Variants in WT1 observed in about 807,000 individuals in gnomAD.
WT1 encodes Wilms tumor protein.
WT1 carries 8 observed loss-of-function variants against 60.8 expected under a neutral mutation model. That is an observed-to-expected ratio of 0.13 (90% CI 0.08 to 0.24). The LOEUF (loss-of-function observed/expected upper bound fraction) is 0.24. WT1 is among the 10% of genes least tolerant of loss of function. The pLI, the probability that WT1 is intolerant of heterozygous loss-of-function variation, is 1.00. For missense variants in WT1, 568 were observed against 711.8 expected, an observed-to-expected ratio of 0.80 and a Z score of 2.30; for synonymous variants, 312 against 297.1, an observed-to-expected ratio of 1.05 and a Z score of -0.52.
chr11:32,403,428 T>G (rs1182611026), intron 5 of WT1, among the ~76,000 whole-genome samples: 2 of 152,188 alleles, frequency 1.3e-5, no homozygotes, highest in Admixed American at 1.3e-4. Flanking sequence ...AGCAGAAATC[T>G]CTTCCAGCTT....
chr11:32,392,225 C>A (rs577653036), intron 8 of WT1, among the ~76,000 whole-genome samples, 161 bp from the exon 9 acceptor site: 3 of 152,188 alleles, frequency 2.0e-5, no homozygotes, highest in Non-Finnish European at 4.4e-5. Context: ...CCAGGCCCAA[C>A]AAGAATCACT....
At chr11:32,425,335 T>G (rs1023062835) in intron 3 of WT1, among the ~76,000 whole-genome samples, 3 of 151,228 alleles carry the variant, frequency 2.0e-5, no homozygotes, top group Admixed American at 6.6e-5. Flanking sequence ...AGAGAAAAAA[T>G]GAATGAAACC....
intron 1 of WT1, among the ~76,000 whole-genome samples, chr11:32,429,978 GAA>G (rs71980595): frequency 1.1e-5 from 1 of 91,256 alleles, no homozygotes. Flanking sequence ...CCCCCGCCCA[GAA>G]AAAAAAAAAA....
intron 1 of WT1, among the ~76,000 whole-genome samples, chr11:32,431,805 AC>A: frequency 6.6e-6 from 1 of 151,810 alleles, no homozygotes; most frequent in East Asian, 1.9e-4. Context: ...AAACCCGTCA[AC>A]CCCCACACAT....
chr11:32,391,917 T>C, intron 9 of WT1, 55 bp downstream of exon 9: 2 of 1,558,628 alleles, frequency 1.3e-6, no homozygotes, highest in Non-Finnish European at 8.8e-7. Flanking sequence ...ACAATTTCAT[T>C]CCACAATAGT....
chr11:32,430,455 GGAGAGAGAGAGAGAGAGAGAGAGAGA>G (rs529663782), intron 1 of WT1: 1 of 894,588 alleles, frequency 1.1e-6, no homozygotes, highest in Non-Finnish European at 1.6e-6. Flanking sequence ...AGAGAGGGAG[GGAGAGAGAGAGAGAGAGAGAGAGAGA>G]GAGAGAGAGA....
intron 3 of WT1, 135 bp downstream of exon 3, chr11:32,427,821 C>G: frequency 3.1e-6 from 2 of 651,850 alleles, no homozygotes; most frequent in South Asian, 4.6e-5. Context: ...AGAGTGGAGT[C>G]GAGGCGTCTC....
At chr11:32,393,487 C>T (rs1851877665) in intron 7 of WT1, among the ~76,000 whole-genome samples, 1 of 152,250 alleles carries the variant, frequency 6.6e-6, no homozygotes, top group South Asian at 2.1e-4. Flanking sequence ...GCCTTCCCAC[C>T]TTCTTAGGAG....
At chr11:32,404,503 G>A (rs911879984) in intron 5 of WT1, among the ~76,000 whole-genome samples, 4 of 152,034 alleles carry the variant, frequency 2.6e-5, no homozygotes, top group African/African-American at 9.7e-5. Flanking sequence ...GGCAGGTAAA[G>A]TCACGGGAGA....
At chr11:32,402,486 G>A (rs1590349341) in intron 5 of WT1, among the ~76,000 whole-genome samples, 1 of 152,258 alleles carries the variant, frequency 6.6e-6, no homozygotes, top group South Asian at 2.1e-4. Flanking sequence ...CTCAAAGGCT[G>A]TGAAGAGAAG....
intron 7 of WT1, among the ~76,000 whole-genome samples, chr11:32,395,215 T>C (rs879851060): frequency 6.6e-6 from 1 of 152,208 alleles, no homozygotes; most frequent in Non-Finnish European, 1.5e-5. Context: ...AGTGATCCTA[T>C]AATAATGCTG....
intron 1 of WT1, among the ~76,000 whole-genome samples, chr11:32,431,813 A>C (rs1375778736): frequency 6.6e-6 from 1 of 152,010 alleles, no homozygotes; most frequent in East Asian, 1.9e-4. Context: ...CAACCCCCAC[A>C]CATGGACTAA....
intron 4 of WT1, among the ~76,000 whole-genome samples, chr11:32,416,980 A>T (rs1190121946): frequency 3.3e-5 from 5 of 152,148 alleles, no homozygotes; most frequent in Non-Finnish European, 7.4e-5. Flanking sequence ...AGAAAATGAA[A>T]AGTGAGCTCT....
chr11:32,409,421 T>C (rs1852424932), intron 5 of WT1, among the ~76,000 whole-genome samples: 1 of 152,082 alleles, frequency 6.6e-6, no homozygotes, highest in South Asian at 2.1e-4. Context: ...TTTCATTACA[T>C]ATGACAAGCA....
intron 5 of WT1, among the ~76,000 whole-genome samples, chr11:32,405,264 C>T (rs929605363): frequency 4.6e-5 from 7 of 152,090 alleles, no homozygotes; most frequent in African/African-American, 1.7e-4. Flanking sequence ...AATGTGAACC[C>T]AGCATTGCTA....
chr11:32,435,426 T>A lies in WT1; in HGVS notation c.-66A>T. On this transcript the variant is annotated 5_prime_UTR_variant, in exon 1 of 10. Transcript: ENST00000452863. ...GCCGTCCCGGCTCTGGGTGGGTGGG[T>A]GGGTGAATGAGTAGGTGGGAGGGAG... The A allele has an allele frequency of 1.0e-4, 2 of 19,192 alleles. No individual in the cohort carries two copies. The highest frequency in any genetic ancestry group is 4.5e-4 in the South Asian group (1 of 2,234). The allele number at this position is 19,192 out of a possible 1,614,324, so 1.2% of individuals were successfully genotyped here.
Position 32,434,793 on chromosome 11 carries a change from G to T in WT1, c.568C>A (p.Pro190Thr). The change falls in exon 1 of 10, where the codon CCC (proline) becomes ACC (threonine). Residue 190 changes from proline to threonine, a missense_variant. This residue lies in a region of WT1 where 523 missense variants were observed against 565.1 expected (regional missense o/e 0.93). Transcript: ENST00000452863. ...GCCTGGCCGGATGACGCCTGGCTGG[G>T]CGGAGGAGGACCGAAGGGCCCGTAG... 6.8e-6 allele frequency: 11 copies of T among 1,612,620 alleles called. No individual in the cohort carries two copies. Among genetic ancestry groups the T allele is most frequent in the African/African-American group, 1.3e-5 (1 of 75,060 alleles).
chr11:32,421,995 T>C (rs1016757994), intron 3 of WT1, among the ~76,000 whole-genome samples: 4 of 152,236 alleles, frequency 2.6e-5, no homozygotes, highest in Non-Finnish European at 5.9e-5. Context: ...CTGGCATCTG[T>C]GATTAGAATT....
At chr11:32,423,134 C>A (rs142233849) in intron 3 of WT1, among the ~76,000 whole-genome samples, 181 of 152,140 alleles carry the variant, frequency 1.2e-3, no homozygotes, top group African/African-American at 4.1e-3. Flanking sequence ...GGAAATTGTG[C>A]CTAGTAAGGT....
Sources: allele counts gnomAD v4.1 joint callset (sites outside exome capture counted in the v4.1 genomes callset), GRCh38; gene constraint gnomAD v4.1.1; regional missense constraint gnomAD v4.1.1; transcripts MANE v1.5; gene names NCBI Gene and HGNC (gene_info 2026-07-23, HGNC 2026-07-21).